DOCK3: variants seen among roughly 807,000 people sequenced by gnomAD.
The protein encoded by DOCK3 is dedicator of cytokinesis 3.
In DOCK3, 60 loss-of-function variants were observed where a neutral mutation model predicts 265.6. The observed-to-expected ratio is 0.23, with a 90% CI of 0.18 to 0.28. The LOEUF is 0.28. DOCK3 is among the 10% of genes least tolerant of loss of function. The probability of loss-of-function intolerance (pLI) is 1.00; values close to 1 mark genes in which losing one functional copy is unlikely to be tolerated. For synonymous variants in DOCK3, 881 were observed against 938.0 expected (o/e 0.94, Z 1.11); for missense variants, 1,981 against 2,594.3 (o/e 0.76, Z 5.14).
At chr3:51,043,429 A>G (rs1263466905) in intron 5 of DOCK3, among the ~76,000 whole-genome samples, 2 of 152,204 alleles carry the variant, frequency 1.3e-5, no homozygotes, top group Admixed American at 1.3e-4. Flanking sequence ...ATATTCAAAA[A>G]TTAACTCAAG....
intron 27 of DOCK3, among the ~76,000 whole-genome samples, chr3:51,283,369 G>A (rs4974112): frequency 0.072 from 11,005 of 152,204 alleles, 992 homozygotes; most frequent in East Asian, 0.32. Context: ...CCATGGTTTG[G>A]CTCCTAATTC....
chr3:50,844,923 T>C (rs1471751827), intron 3 of DOCK3, among the ~76,000 whole-genome samples: 1 of 152,162 alleles, frequency 6.6e-6, no homozygotes, highest in African/African-American at 2.4e-5. Flanking sequence ...GTTAGAGTCA[T>C]CAAAATATTA....
chr3:50,780,236 C>G (rs1007297687), intron 2 of DOCK3, among the ~76,000 whole-genome samples: 1 of 152,160 alleles, frequency 6.6e-6, no homozygotes, highest in Non-Finnish European at 1.5e-5. Context: ...ATACCTGCAG[C>G]AAACATCACA....
intron 2 of DOCK3, among the ~76,000 whole-genome samples, chr3:50,827,467 G>A (rs1576564790): frequency 6.6e-6 from 1 of 152,132 alleles, no homozygotes. Context: ...CATTAATCCT[G>A]TTTATAAGGG....
chr3:50,774,924 T>C (rs1278062008), intron 1 of DOCK3, among the ~76,000 whole-genome samples: 1 of 152,058 alleles, frequency 6.6e-6, no homozygotes, highest in Non-Finnish European at 1.5e-5. Context: ...TTTTTTCATA[T>C]ATAGAGGTGA....
At chr3:50,728,728 A>ATTT (rs10630436) in intron 1 of DOCK3, among the ~76,000 whole-genome samples, 140 of 147,540 alleles carry the variant, frequency 9.5e-4, no homozygotes, top group Middle Eastern at 3.5e-3. Flanking sequence ...AATAAATAGA[A>ATTT]TTTTTTTTTT....
chr3:50,920,485 A>G lies in DOCK3; in HGVS notation c.219-13496A>G, dbSNP rs185765617. On this transcript the variant is annotated intron_variant, in intron 4 of 52. Transcript: ENST00000266037. ...TCCTGGTTTAGTCTTGGGAGGGTGT[A>G]TGTGTCTAGGAATTTATCCATTTCT... is the stretch of plus-strand genomic sequence containing the variant. Among the ~76,000 whole-genome samples, 128 of 152,236 alleles carry G rather than the reference A, an allele frequency of 8.4e-4. 1 individual carries two copies. The South Asian group carries it at 0.015, about 18-fold the overall frequency.
chr3:50,699,455 T>A (rs942896881), intron 1 of DOCK3, among the ~76,000 whole-genome samples: 13 of 1,960 alleles, frequency 6.6e-3, no homozygotes, highest in African/African-American at 6.6e-4. Flanking sequence ...TGTTGGGCAT[T>A]TTTTTTTTTT....
At chr3:50,708,795 C>A (rs1224285136) in intron 1 of DOCK3, among the ~76,000 whole-genome samples, 1 of 152,190 alleles carries the variant, frequency 6.6e-6, no homozygotes, top group Non-Finnish European at 1.5e-5. Context: ...ACCTGGCTGG[C>A]TGCCTTGTTT....
intron 4 of DOCK3, among the ~76,000 whole-genome samples, chr3:50,905,261 A>G (rs1021198714): frequency 1.3e-5 from 2 of 152,028 alleles, no homozygotes; most frequent in Admixed American, 6.5e-5. Flanking sequence ...TTTTGGTTCC[A>G]TATGAACTTT....
At chr3:50,834,761 A>G (rs1490701327) in intron 2 of DOCK3, among the ~76,000 whole-genome samples, 3 of 152,228 alleles carry the variant, frequency 2.0e-5, no homozygotes, top group Non-Finnish European at 4.4e-5. Context: ...AAAAAAGGCA[A>G]AAACTAAGAG....
intron 4 of DOCK3, among the ~76,000 whole-genome samples, chr3:50,921,141 C>T (rs1225011813): frequency 3.3e-5 from 5 of 152,152 alleles, no homozygotes; most frequent in African/African-American, 4.8e-5. Flanking sequence ...TGTTCTTTTA[C>T]GTTTGCCTGA....
At chr3:51,228,898 C>G in intron 18 of DOCK3, 66 bp downstream of exon 18, 1 of 1,521,226 alleles carries the variant, frequency 6.6e-7, no homozygotes, top group Non-Finnish European at 8.9e-7. Flanking sequence ...ACACTACTAG[C>G]GCATGTGAAG....
intron 1 of DOCK3, among the ~76,000 whole-genome samples, chr3:50,729,608 T>C (rs2038066928): frequency 6.6e-6 from 1 of 151,810 alleles, no homozygotes; most frequent in South Asian, 2.1e-4. Context: ...CGATCATAGC[T>C]CACTGTAACC....
intron 2 of DOCK3, among the ~76,000 whole-genome samples, chr3:50,795,344 C>T (rs1241333541): frequency 1.3e-5 from 2 of 152,114 alleles, no homozygotes. Flanking sequence ...TTACACACTC[C>T]CTGTCTCTTT....
At chr3:51,288,560 A>G (rs1045856703) in intron 27 of DOCK3, among the ~76,000 whole-genome samples, 3 of 152,150 alleles carry the variant, frequency 2.0e-5, no homozygotes, top group Admixed American at 6.5e-5. Context: ...CAATTTACCT[A>G]TATAACAAAC....
At chr3:51,380,842 T>G (rs1163625946) in intron 52 of DOCK3, among the ~76,000 whole-genome samples, 1 of 152,128 alleles carries the variant, frequency 6.6e-6, no homozygotes, top group Non-Finnish European at 1.5e-5. Flanking sequence ...GCAGGGCAAT[T>G]TTTTGGCCAC....
intron 9 of DOCK3, among the ~76,000 whole-genome samples, chr3:51,144,865 C>T (rs1300689163): frequency 6.6e-6 from 1 of 152,156 alleles, no homozygotes; most frequent in Non-Finnish European, 1.5e-5. Context: ...TGACCAGAGG[C>T]ACAAAATAAG....
At chr3:50,989,580 A>C (rs2078030923) in intron 5 of DOCK3, among the ~76,000 whole-genome samples, 1 of 152,228 alleles carries the variant, frequency 6.6e-6, no homozygotes, top group African/African-American at 2.4e-5. Context: ...ACCAGAAAGA[A>C]GAAGTCAGCT....
Sources: gnomAD v4.1 joint callset for allele counts (sites outside exome capture counted in the v4.1 genomes callset) on GRCh38, gnomAD v4.1.1 for gene constraint, MANE v1.5 for transcripts, NCBI Gene and HGNC (gene_info 2026-07-23, HGNC 2026-07-21) for gene names.